USP13: variants seen among roughly 807,000 people sequenced by gnomAD.
USP13 encodes ubiquitin carboxyl-terminal hydrolase 13.
Under a neutral mutation model 107.8 loss-of-function variants are expected in USP13, and 68 were observed. The ratio of observed to expected loss-of-function variants is 0.63; its 90% CI spans 0.52 to 0.77. The LOEUF (loss-of-function observed/expected upper bound fraction) is 0.77, where lower values mean the gene tolerates loss of function less well. USP13 is among the 30% of genes least tolerant of loss of function. The pLI is 0.00. For synonymous variants in USP13, 377 were observed against 389.5 expected, an observed-to-expected ratio of 0.97 and a Z score of 0.38; for missense variants, 945 against 1,093.3, an observed-to-expected ratio of 0.86 and a Z score of 1.91.
At chr3:179,748,859 C>T (rs1251585229) in intron 13 of USP13, among the ~76,000 whole-genome samples, 1 of 152,168 alleles carries the variant, frequency 6.6e-6, no homozygotes, top group African/African-American at 2.4e-5. Context: ...AGTGATCTCA[C>T]TGCCATAAGC....
intron 12 of USP13, among the ~76,000 whole-genome samples, chr3:179,744,192 T>A (rs1714310644): frequency 6.6e-6 from 1 of 152,192 alleles, no homozygotes; most frequent in African/African-American, 2.4e-5. Flanking sequence ...TGTTTGATGG[T>A]GGCTAACTGC....
At chr3:179,657,414 A>C (rs1000113740) in intron 1 of USP13, among the ~76,000 whole-genome samples, 1 of 151,902 alleles carries the variant, frequency 6.6e-6, no homozygotes. Flanking sequence ...AATAAAATAA[A>C]AAAATTAAAA....
At chr3:179,700,738 C>T (rs529671574) in intron 3 of USP13, among the ~76,000 whole-genome samples, 6 of 152,282 alleles carry the variant, frequency 3.9e-5, no homozygotes, top group African/African-American at 7.2e-5. Flanking sequence ...GAGTATCTTG[C>T]ACATTTGTCT....
chr3:179,778,722 C>T lies in USP13; in HGVS notation c.2414-3017C>T, dbSNP rs139144663. Among the ~76,000 whole-genome samples the T allele has an allele frequency of 3.0e-3, 462 of 151,692 alleles. 3 individuals are homozygous for T. The highest frequency in any genetic ancestry group is 6.8e-3 in the Middle Eastern group (2 of 294). On this transcript the variant is annotated intron_variant, in intron 19 of 20. Transcript: ENST00000263966. ...CGGAGGTTGCAGTGAGCCGAGATCA[C>T]GCCATTGCATTCCAGCCTGGGTAAC...
intron 19 of USP13, among the ~76,000 whole-genome samples, chr3:179,769,219 G>A (rs571097835): frequency 5.3e-5 from 8 of 152,132 alleles, no homozygotes; most frequent in African/African-American, 1.9e-4. Context: ...AGTTATGTAG[G>A]TGTACATGTA....
chr3:179,694,007 T>A (rs1330065121), intron 3 of USP13, among the ~76,000 whole-genome samples: 2 of 151,518 alleles, frequency 1.3e-5, no homozygotes, highest in Admixed American at 1.3e-4. Flanking sequence ...CATCTCACTG[T>A]GTCACTCAGG....
intron 13 of USP13, among the ~76,000 whole-genome samples, chr3:179,749,521 G>A (rs1005158510): frequency 2.6e-5 from 4 of 152,138 alleles, no homozygotes; most frequent in African/African-American, 7.2e-5. Flanking sequence ...TCCCCAAACT[G>A]CAATAAATGA....
At chr3:179,712,855 A>C (rs553279264) in intron 6 of USP13, among the ~76,000 whole-genome samples, 2 of 151,910 alleles carry the variant, frequency 1.3e-5, no homozygotes, top group Non-Finnish European at 2.9e-5. Flanking sequence ...ATCCTTGACA[A>C]CTTTTTTTAT....
intron 8 of USP13, among the ~76,000 whole-genome samples, chr3:179,728,524 C>T (rs1713657832): frequency 6.6e-6 from 1 of 150,506 alleles, no homozygotes; most frequent in Non-Finnish European, 1.5e-5. Flanking sequence ...AGGGGCTCCT[C>T]ACATCCCAGA....
intron 3 of USP13, among the ~76,000 whole-genome samples, chr3:179,699,354 C>T (rs1408486377): frequency 6.6e-6 from 1 of 152,026 alleles, no homozygotes; most frequent in Non-Finnish European, 1.5e-5. Flanking sequence ...CTATTGCTAC[C>T]TAGTAATGTT....
At chr3:179,665,058 G>A (rs540934760) in intron 1 of USP13, among the ~76,000 whole-genome samples, 1 of 152,116 alleles carries the variant, frequency 6.6e-6, no homozygotes, top group Non-Finnish European at 1.5e-5. Context: ...TTGCACTCCA[G>A]CCTGGGCAAC....
At chr3:179,720,750 T>G (rs977882230) in intron 7 of USP13, among the ~76,000 whole-genome samples, 6 of 152,198 alleles carry the variant, frequency 3.9e-5, no homozygotes, top group African/African-American at 1.4e-4. Context: ...CTTTTTTGAT[T>G]CCTATTTGTT....
At chr3:179,707,147 T>C in intron 5 of USP13, 71 bp downstream of exon 5, 1 of 1,498,204 alleles carries the variant, frequency 6.7e-7, no homozygotes, top group Non-Finnish European at 8.9e-7. Context: ...TTTCTACTTC[T>C]TTTTTGAATA....
At chr3:179,695,506 A>G (rs866272847) in intron 3 of USP13, among the ~76,000 whole-genome samples, 5 of 151,884 alleles carry the variant, frequency 3.3e-5, no homozygotes, top group African/African-American at 9.7e-5. Context: ...TTCAAGTGAA[A>G]TGACCTCAGT....
At chr3:179,708,288 G>A (rs7633683) in intron 5 of USP13, among the ~76,000 whole-genome samples, 147,101 of 151,998 alleles carry the variant, frequency 0.97, 71,206 homozygotes, top group African/African-American at 0.99. Context: ...TGATCCTGCT[G>A]CTCTGGGAGA....
chr3:179,774,309 C>G (rs1416593926), intron 19 of USP13, among the ~76,000 whole-genome samples: 1 of 152,146 alleles, frequency 6.6e-6, no homozygotes, highest in Non-Finnish European at 1.5e-5. Context: ...TTGGTGGGTT[C>G]TTGGTCTCAC....
chr3:179,681,438 G>A (rs4855106), intron 1 of USP13, among the ~76,000 whole-genome samples: 1 of 152,012 alleles, frequency 6.6e-6, no homozygotes, highest in South Asian at 2.1e-4. Flanking sequence ...AGTTAAAAAA[G>A]TAATTGGTTA....
intron 8 of USP13, among the ~76,000 whole-genome samples, chr3:179,728,556 C>T (rs1223159442): frequency 6.6e-6 from 1 of 151,118 alleles, no homozygotes; most frequent in African/African-American, 2.4e-5. Flanking sequence ...CAGGCAGAGA[C>T]ACTCCTCACT....
chr3:179,765,964 T>C lies in USP13; in HGVS notation c.2413+116T>C, dbSNP rs1480687900. The C allele has an allele frequency of 4.7e-6, 5 of 1,055,912 alleles. No homozygotes were observed. In the African/African-American group the frequency reaches 8.2e-5, roughly 17 times the overall value. 65.4% of individuals were successfully genotyped at this position (1,055,912 alleles called of 1,614,324 possible). ...GCCATCATTCAAAAGTTAGCACAGA[T>C]CCCATCTTCTTCGTTTTTTTTTTTT... On this transcript the variant is annotated intron_variant, in intron 19 of 20. Coordinates refer to ENST00000263966, the MANE Select transcript of USP13 (RefSeq NM_003940.3).
Sources: allele counts gnomAD v4.1 joint callset (sites outside exome capture counted in the v4.1 genomes callset), GRCh38; gene constraint gnomAD v4.1.1; transcripts MANE v1.5; gene names NCBI Gene and HGNC (gene_info 2026-07-23, HGNC 2026-07-21).